Variants in TENM3 observed in about 807,000 individuals in gnomAD.
TENM3 encodes the protein teneurin transmembrane protein 3, also known as teneurin-3.
TENM3 carries 63 observed loss-of-function variants against 255.1 expected under a neutral mutation model. That is an observed-to-expected ratio of 0.25 (90% CI 0.20 to 0.30). TENM3 has a LOEUF of 0.30. TENM3 is among the 10% of genes least tolerant of loss of function. The pLI is 1.00. For synonymous variants in TENM3, 1,306 were observed against 1,322.3 expected (o/e 0.99, Z 0.27); for missense variants, 2,929 against 3,461.1 (o/e 0.85, Z 3.86).
At chr4:182,172,470 C>T (rs1752172664) in intron 1 of TENM3, among the ~76,000 whole-genome samples, 1 of 152,088 alleles carries the variant, frequency 6.6e-6, no homozygotes, top group South Asian at 2.1e-4. Context: ...AGTACTCAAC[C>T]TTAGAAATTT....
chr4:182,367,585 GAAAAGCCAA>G (rs2150830677), intron 3 of TENM3, among the ~76,000 whole-genome samples: 1 of 152,064 alleles, frequency 6.6e-6, no homozygotes, highest in South Asian at 2.1e-4. Flanking sequence ...GAAGAAGAGT[GAAAAGCCAA>G]AATGACTCCA....
the TENM3 span, among the ~76,000 whole-genome samples, chr4:181,689,853 C>T: frequency 6.6e-6 from 1 of 152,032 alleles, no homozygotes; most frequent in Admixed American, 6.6e-5. Context: ...GGATACATCC[C>T]CCTACCACAC....
At chr4:181,723,850 T>C in the TENM3 span, among the ~76,000 whole-genome samples, 1 of 152,160 alleles carries the variant, frequency 6.6e-6, no homozygotes, top group Non-Finnish European at 1.5e-5. Flanking sequence ...AGTCTGGACA[T>C]TCTGAGAAAA....
chr4:182,442,879 CAT>C lies in TENM3; in HGVS notation c.511+95963_511+95964del, dbSNP rs374176073. On this transcript the variant is annotated intron_variant, in intron 3 of 27. Coordinates refer to ENST00000511685, the MANE Select transcript of TENM3 (RefSeq NM_001080477.4). ...ACACACACACACACACACACACACA[CAT>C]ATATATATATATGGGTTCTTTTCTG... 8.1e-3 allele frequency among the ~76,000 whole-genome samples: 1,037 copies of C among 128,546 alleles called. 17 individuals carry two copies. The highest frequency in any genetic ancestry group is 0.049 in the East Asian group (219 of 4,502). The allele number at this position is 128,546 out of a possible 152,430, so 84.3% of individuals were successfully genotyped here.
At chr4:181,760,040 G>A in the TENM3 span, among the ~76,000 whole-genome samples, 1 of 152,000 alleles carries the variant, frequency 6.6e-6, no homozygotes, top group Non-Finnish European at 1.5e-5. Context: ...GAGAATATAT[G>A]CACTTCTCTT....
the TENM3 span, among the ~76,000 whole-genome samples, chr4:181,478,277 TA>T: frequency 6.6e-6 from 1 of 152,248 alleles, no homozygotes; most frequent in East Asian, 1.9e-4. Flanking sequence ...GGTATTATAA[TA>T]ACCTTACTAG....
intron 3 of TENM3, among the ~76,000 whole-genome samples, chr4:182,374,262 A>G (rs1160718679): frequency 1.3e-5 from 2 of 152,138 alleles, no homozygotes; most frequent in Non-Finnish European, 2.9e-5. Flanking sequence ...GGTTTTATAG[A>G]CTAAATCTGA....
intron 3 of TENM3, among the ~76,000 whole-genome samples, chr4:182,588,561 T>C (rs575983136): frequency 4.6e-5 from 7 of 152,312 alleles, no homozygotes; most frequent in African/African-American, 1.7e-4. Context: ...AAAGCGTTGA[T>C]TGATTTATGT....
chr4:181,460,603 TC>T, the TENM3 span, among the ~76,000 whole-genome samples: 63,436 of 150,292 alleles, frequency 0.42, 14,002 homozygotes, highest in Non-Finnish European at 0.49. Context: ...TACCTTTTTT[TC>T]TGCATTAATT....
chr4:182,407,268 T>G (rs1396980481), intron 3 of TENM3, among the ~76,000 whole-genome samples: 1 of 152,248 alleles, frequency 6.6e-6, no homozygotes, highest in Non-Finnish European at 1.5e-5. Flanking sequence ...AAACCAATTT[T>G]TTACTTCTAG....
intron 16 of TENM3, among the ~76,000 whole-genome samples, chr4:182,734,126 T>A (rs1053860298): frequency 6.6e-6 from 1 of 152,136 alleles, no homozygotes; most frequent in Non-Finnish European, 1.5e-5. Context: ...ATGATACAAG[T>A]TCAAAGGAGA....
the TENM3 span, among the ~76,000 whole-genome samples, chr4:181,833,959 A>T: frequency 2.0e-5 from 3 of 151,928 alleles, no homozygotes; most frequent in Non-Finnish European, 2.9e-5. Context: ...AATTAAGGCA[A>T]CTCCAACTTG....
At chr4:182,112,806 A>T in the TENM3 span, among the ~76,000 whole-genome samples, 2 of 152,192 alleles carry the variant, frequency 1.3e-5, no homozygotes, top group Admixed American at 6.5e-5. Flanking sequence ...AGCTGTCAAG[A>T]ACTTGGAGTT....
chr4:181,785,376 A>G, the TENM3 span, among the ~76,000 whole-genome samples: 1 of 152,140 alleles, frequency 6.6e-6, no homozygotes, highest in Admixed American at 6.6e-5. Context: ...AGCTACTTTC[A>G]GACTGTCTCC....
intron 1 of TENM3, among the ~76,000 whole-genome samples, chr4:182,298,225 G>A (rs1031237422): frequency 2.6e-5 from 4 of 152,232 alleles, no homozygotes; most frequent in Non-Finnish European, 2.9e-5. Context: ...TGAAACCAGC[G>A]TATCTCTGTT....
chr4:182,658,427 A>G (rs556510698), intron 6 of TENM3, among the ~76,000 whole-genome samples: 4 of 152,244 alleles, frequency 2.6e-5, no homozygotes, highest in African/African-American at 9.6e-5. Context: ...TGTGCTTCCT[A>G]ACTCTCAAAT....
chr4:181,657,298 A>G, the TENM3 span, among the ~76,000 whole-genome samples: 2 of 152,254 alleles, frequency 1.3e-5, no homozygotes, highest in African/African-American at 2.4e-5. Context: ...TAATAAATAC[A>G]TGAGAAGTTA....
intron 1 of TENM3, among the ~76,000 whole-genome samples, chr4:182,221,476 T>C (rs1579784793): frequency 6.6e-6 from 1 of 152,314 alleles, no homozygotes; most frequent in East Asian, 1.9e-4. Context: ...TGGGAGAACA[T>C]TCTAGAATAA....
chr4:182,134,735 A>C, the TENM3 span, among the ~76,000 whole-genome samples: 2 of 152,198 alleles, frequency 1.3e-5, no homozygotes, highest in Non-Finnish European at 2.9e-5. Flanking sequence ...AAAGCAAACA[A>C]AGCCAGAGCT....
Sources: gnomAD v4.1 joint callset for allele counts (sites outside exome capture counted in the v4.1 genomes callset) on GRCh38, gnomAD v4.1.1 for gene constraint, MANE v1.5 for transcripts, NCBI Gene and HGNC (gene_info 2026-07-23, HGNC 2026-07-21) for gene names.